Variants in PTPRD observed in about 807,000 individuals in gnomAD.
The protein encoded by PTPRD is receptor-type tyrosine-protein phosphatase delta.
PTPRD carries 34 observed loss-of-function variants against 214.5 expected under a neutral mutation model. The ratio of observed to expected loss-of-function variants is 0.16; its 90% CI spans 0.12 to 0.21. The LOEUF (loss-of-function observed/expected upper bound fraction) is 0.21, where lower values mean the gene tolerates loss of function less well. PTPRD is among the 10% of genes least tolerant of loss of function. The probability of loss-of-function intolerance (pLI) is 1.00; values close to 1 mark genes in which losing one functional copy is unlikely to be tolerated. For missense variants in PTPRD, 2,545 were observed against 2,398.7 expected, an observed-to-expected ratio of 1.06 and a Z score of -1.27; for synonymous variants, 1,128 against 845.7, an observed-to-expected ratio of 1.33 and a Z score of -5.79.
chr9:10,310,797 T>C (rs753528528), intron 3 of PTPRD, among the ~76,000 whole-genome samples: 13 of 152,120 alleles, frequency 8.5e-5, no homozygotes, highest in Non-Finnish European at 1.3e-4. Context: ...AGTGAAATTT[T>C]GACAAGTCTG....
chr9:10,067,553 T>C (rs550701315), intron 3 of PTPRD, among the ~76,000 whole-genome samples: 1 of 152,020 alleles, frequency 6.6e-6, no homozygotes, highest in African/African-American at 2.4e-5. Context: ...GCTTTGCACT[T>C]ACATACATGA....
intron 39 of PTPRD, 101 bp from the exon 40 acceptor site, chr9:8,342,079 A>C (rs1852959940): frequency 8.3e-7 from 1 of 1,208,922 alleles, no homozygotes; most frequent in Non-Finnish European, 1.1e-6. Context: ...CCTTACATCC[A>C]TTACTTCTAC....
At chr9:9,255,446 C>A (rs899666205) in intron 9 of PTPRD, among the ~76,000 whole-genome samples, 6 of 152,090 alleles carry the variant, frequency 3.9e-5, no homozygotes, top group African/African-American at 1.4e-4. Context: ...GGATTAAGAT[C>A]TATTTTCAAT....
intron 3 of PTPRD, among the ~76,000 whole-genome samples, chr9:10,081,035 C>T (rs1486970981): frequency 6.6e-6 from 1 of 151,968 alleles, no homozygotes; most frequent in Non-Finnish European, 1.5e-5. Flanking sequence ...TTATAACACC[C>T]AAATAACTTG....
intron 3 of PTPRD, among the ~76,000 whole-genome samples, chr9:10,051,748 CT>C (rs1328736137): frequency 1.3e-5 from 2 of 152,100 alleles, no homozygotes; most frequent in South Asian, 2.1e-4. Context: ...CCCTGTACCC[CT>C]TTTCTGTAGT....
intron 5 of PTPRD, among the ~76,000 whole-genome samples, chr9:9,811,268 G>A (rs906752001): frequency 6.6e-6 from 1 of 152,160 alleles, no homozygotes; most frequent in African/African-American, 2.4e-5. Flanking sequence ...GCTTTGAAGG[G>A]TTCAGGAACG....
chr9:9,358,839 T>C (rs1246887763), intron 9 of PTPRD, among the ~76,000 whole-genome samples: 1 of 151,314 alleles, frequency 6.6e-6, no homozygotes, highest in Non-Finnish European at 1.5e-5. Flanking sequence ...CGCATTCTTG[T>C]ATAGGAAACT....
intron 2 of PTPRD, among the ~76,000 whole-genome samples, chr9:10,420,865 G>A (rs1256782338): frequency 2.0e-5 from 3 of 151,170 alleles, no homozygotes; most frequent in Admixed American, 6.6e-5. Flanking sequence ...ATAAGTTATT[G>A]TAATGAATGG....
chr9:10,414,443 T>A lies in PTPRD; in HGVS notation c.-599-73426A>T, dbSNP rs551793049. Among the ~76,000 whole-genome samples the A allele has an allele frequency of 1.2e-4, 18 of 152,002 alleles. No homozygotes were observed. In the South Asian group the frequency reaches 3.7e-3, roughly 32 times the overall value. The stretch of plus-strand genomic sequence containing the variant: ...TATTAAAAAGTCAAAACATAATAGA[T>A]GCTGGCAAGATCATGCAGAAAAAGG... On this transcript the variant is annotated intron_variant, in intron 2 of 45. Coordinates refer to ENST00000381196, the MANE Select transcript of PTPRD (RefSeq NM_002839.4).
intron 9 of PTPRD, among the ~76,000 whole-genome samples, chr9:9,269,805 G>A (rs937513198): frequency 1.3e-5 from 2 of 151,272 alleles, no homozygotes; most frequent in Admixed American, 1.3e-4. Flanking sequence ...ATCTAAAAAA[G>A]ATAACTAATA....
At chr9:9,214,416 G>C (rs111305245) in intron 9 of PTPRD, among the ~76,000 whole-genome samples, 5 of 151,988 alleles carry the variant, frequency 3.3e-5, no homozygotes, top group African/African-American at 1.2e-4. Context: ...CCACTAACTC[G>C]GAAGACATCA....
chr9:9,911,441 A>C (rs1040720442), intron 5 of PTPRD, among the ~76,000 whole-genome samples: 3 of 152,086 alleles, frequency 2.0e-5, no homozygotes, highest in Admixed American at 2.0e-4. Flanking sequence ...ATACACACGA[A>C]CCTCATGTCA....
At chr9:8,633,526 A>G (rs2154321242) in intron 13 of PTPRD, 68 bp from the exon 14 acceptor site, 1 of 1,557,226 alleles carries the variant, frequency 6.4e-7, no homozygotes, top group Non-Finnish European at 8.7e-7. Context: ...AAAGCTCTCA[A>G]TACAGTGGTG....
rs1852064737 is a variant in PTPRD, at chr9:8,341,152, C to T, written c.5064G>A (p.Leu1688=). 2 of 1,612,968 alleles carry T rather than the reference C, an allele frequency of 1.2e-6. No homozygotes were observed. Among genetic ancestry groups the T allele is most frequent in the Non-Finnish European group, 1.7e-6 (2 of 1,179,362 alleles). The part of the protein sequence containing the change: ...IMPYESTRVC[L]QPIRGVEGSD... ...ATCCTTCTACTCCACGGATAGGCTG[C>T]AGGCATACCCTTGTGGATTCATATG... Residue 1688 remains leucine, a synonymous_variant, in exon 41 of 46, where the codon CTG becomes CTA. Transcript: ENST00000381196.
chr9:9,738,860 A>G (rs1460261039), intron 6 of PTPRD, among the ~76,000 whole-genome samples: 2 of 152,096 alleles, frequency 1.3e-5, no homozygotes, highest in African/African-American at 4.8e-5. Flanking sequence ...CTTTCACTCT[A>G]TGGTATTATT....
At chr9:8,524,839 A>T in intron 18 of PTPRD, 86 bp downstream of exon 18, 1 of 1,063,536 alleles carries the variant, frequency 9.4e-7, no homozygotes, top group Non-Finnish European at 1.5e-6. Context: ...CTTGTTAACT[A>T]CTAATATAAC....
At chr9:8,557,815 C>T (rs1488536004) in intron 14 of PTPRD, among the ~76,000 whole-genome samples, 1 of 132,328 alleles carries the variant, frequency 7.6e-6, no homozygotes, top group Non-Finnish European at 1.6e-5. Flanking sequence ...CACATATATA[C>T]ACACACACAT....
chr9:8,502,848 G>GTGTATATATATATATATATATA (rs1554658829), intron 23 of PTPRD, among the ~76,000 whole-genome samples: 43 of 147,112 alleles, frequency 2.9e-4, no homozygotes, highest in African/African-American at 9.5e-4. Context: ...ATGTGTGTGT[G>GTGTATATATATATATATATATA]TATATATATA....
intron 39 of PTPRD, among the ~76,000 whole-genome samples, chr9:8,367,232 T>G (rs1180499210): frequency 6.6e-6 from 1 of 152,190 alleles, no homozygotes; most frequent in Non-Finnish European, 1.5e-5. Flanking sequence ...ATAAGCATTT[T>G]TTTTTTAAGT....
Sources: gnomAD v4.1 joint callset for allele counts (sites outside exome capture counted in the v4.1 genomes callset) on GRCh38, gnomAD v4.1.1 for gene constraint, MANE v1.5 for transcripts, NCBI Gene and HGNC (gene_info 2026-07-23, HGNC 2026-07-21) for gene names.